Variants in RTKN observed in about 807,000 individuals in gnomAD.
The protein encoded by RTKN is rhotekin.
Under a neutral mutation model 63.5 loss-of-function variants are expected in RTKN, and 49 were observed. The ratio of observed to expected loss-of-function variants is 0.77; its 90% CI spans 0.61 to 0.98. The LOEUF is 0.98. RTKN is among the 50% of genes least tolerant of loss of function. The pLI, the probability that RTKN is intolerant of heterozygous loss-of-function variation, is 0.00. For synonymous variants in RTKN, 295 were observed against 290.4 expected, an observed-to-expected ratio of 1.02 and a Z score of -0.16; for missense variants, 685 against 740.8, an observed-to-expected ratio of 0.92 and a Z score of 0.87.
intron 1 of RTKN, 108 bp from the exon 2 acceptor site, chr2:74,432,774 A>G: frequency 1.1e-6 from 1 of 878,594 alleles, no homozygotes; most frequent in East Asian, 2.6e-5. Context: ...ACAAGAAACT[A>G]ATGTTTTAGG....
At position 74,441,709 on chromosome 2, in the gene RTKN, G is replaced by A; in HGVS notation, c.108C>T (p.Pro36=). Residue 36 remains proline, a synonymous_variant, in exon 1 of 12, where the codon CCC becomes CCT. Transcript: ENST00000272430. ...GGCAGGGACGCGAGTCTCTCACCTC[G>A]GGCAGGTCGCTGAAGAGGCTGAGTC... is the stretch of plus-strand genomic sequence containing the variant. ...RFRLSLFSDL[P]EDTELQRKLD... 1 of 1,608,300 alleles carries A rather than the reference G, an allele frequency of 6.2e-7. No individual in the cohort carries two copies. The highest frequency in any genetic ancestry group is 8.5e-7 in the Non-Finnish European group (1 of 1,177,748).
chr2:74,439,447 C>T, intron 1 of RTKN: 1 of 1,309,462 alleles, frequency 7.6e-7, no homozygotes, highest in Non-Finnish European at 1.1e-6. Context: ...CCACTTTAAG[C>T]AGGCCTGGCT....
At position 74,429,887 on chromosome 2, in the gene RTKN, C is replaced by T. The variant is rs145475774; in HGVS notation, c.696G>A (p.Ser232=). The stretch of plus-strand genomic sequence containing the variant: ...TCCCTGAACCCCCAGCACTGTCCAG[C>T]GATGCCCGGACACGCCTCCCTGAGG... ...GRSSGRRVRA[S]LDSAGGSGSS... is the part of the protein sequence containing the mutation. Residue 232 remains serine, a synonymous_variant, in exon 6 of 12, where the codon TCG becomes TCA. Transcript: ENST00000272430. 9.8e-4 allele frequency: 1,577 copies of T among 1,614,098 alleles called. 2 individuals are homozygous for T. Among genetic ancestry groups the T allele is most frequent in the Non-Finnish European group, 1.3e-3 (1,493 of 1,180,032 alleles).
chr2:74,440,219 G>T, intron 1 of RTKN: 1 of 493,364 alleles, frequency 2.0e-6, no homozygotes, highest in Non-Finnish European at 2.7e-6. Context: ...GAGCCACACA[G>T]GTGAGGACCT....
At chr2:74,441,332 G>A (rs1295115565) in intron 1 of RTKN, among the ~76,000 whole-genome samples, 1 of 152,188 alleles carries the variant, frequency 6.6e-6, no homozygotes, top group Non-Finnish European at 1.5e-5. Flanking sequence ...GAACAAGCGG[G>A]AGCCCAGGCC....
rs1489992591 is a variant in RTKN at position 74,427,438 on chromosome 2, A to G, written c.1241T>C (p.Leu414Pro). The G allele has an allele frequency of 6.2e-7, 1 of 1,614,112 alleles. No homozygotes were observed. Among genetic ancestry groups the G allele is most frequent in the Non-Finnish European group, 8.5e-7 (1 of 1,180,006 alleles). ...TTCTCTCTTACTCATGTCAAAGAAAAGCTGCCACAGAGCCTCCATCCAGCT... is the reference window on the plus strand; with the variant it reads ...TTCTCTCTTACTCATGTCAAAGAAAGGCTGCCACAGAGCCTCCATCCAGCT... ...LQSWMEALWQ[L>P]FFDMSQWKQC... The change falls in exon 10 of 12, where the codon CTT becomes CCT. Residue 414 changes from leucine (L) to proline (P), a missense_variant. Coordinates refer to ENST00000272430, the MANE Select transcript of RTKN (RefSeq NM_001015055.2).
chr2:74,431,852 A>C, intron 2 of RTKN: 1 of 157,890 alleles, frequency 6.3e-6, no homozygotes, highest in Non-Finnish European at 1.4e-5. Context: ...ATATTCTTAG[A>C]ATAATTTGCC....
At chr2:74,427,072 G>A in intron 11 of RTKN, 97 bp downstream of exon 11, 1 of 1,523,168 alleles carries the variant, frequency 6.6e-7, no homozygotes, top group South Asian at 1.2e-5. Flanking sequence ...GTGTAGCCCA[G>A]AGTGTGCTTT....
chr2:74,438,948 G>A (rs11695896), intron 1 of RTKN, among the ~76,000 whole-genome samples: 21,396 of 152,178 alleles, frequency 0.14, 2,035 homozygotes, highest in East Asian at 0.53. Context: ...TCCTATGGTC[G>A]AAAAGAGCTT....
Position 74,430,015 on chromosome 2 carries a change from C to G in RTKN, c.568G>C (p.Glu190Gln). Reference protein sequence around the residue: ...VLFAEAGPDFELRLELYGACV... With the variant: ...VLFAEAGPDFQLRLELYGACV... ...GCCCCATACAGCTCTAACCGCAGTT[C>G]AAAGTCTGGCCCCGCCTCAGCGCTG... Residue 190 changes from glutamate (E) to glutamine (Q), a missense_variant, in exon 6 of 12, where the codon GAA becomes CAA. Glu to Gln is a conservative substitution (Grantham distance 29, BLOSUM62 2). Coordinates refer to ENST00000272430, the MANE Select transcript of RTKN (RefSeq NM_001015055.2). 6.2e-7 allele frequency: 1 copy of G among 1,614,226 alleles called. No individual in the cohort carries two copies.
Position 74,430,014 on chromosome 2 carries a change from T to G in RTKN, c.569A>C (p.Glu190Ala), listed in dbSNP as rs779513521. 46 of 1,613,922 alleles carry G rather than the reference T, an allele frequency of 2.9e-5. No homozygotes were observed. The South Asian group carries it at 4.5e-4, about 16-fold the overall frequency. The stretch of plus-strand genomic sequence containing the variant: ...GGCCCCATACAGCTCTAACCGCAGT[T>G]CAAAGTCTGGCCCCGCCTCAGCGCT... Reference protein sequence around the residue: ...VLFAEAGPDFELRLELYGACV... With the variant: ...VLFAEAGPDFALRLELYGACV... The change falls in exon 6 of 12, where the codon GAA becomes GCA. Residue 190 changes from glutamate to alanine, a missense_variant. Physicochemically the swap from Glu to Ala is moderately radical, Grantham distance 107. Transcript: ENST00000272430.
chr2:74,427,430 C>T lies in RTKN; in HGVS notation c.1249G>A (p.Asp417Asn), dbSNP rs1446692385. Residue 417 changes from aspartate (D) to asparagine (N), a missense_variant, in exon 10 of 12, where the codon GAC (aspartate) becomes AAC (asparagine). By Grantham distance (23) the Asp-to-Asn change is conservative. Transcript: ENST00000272430. Reference sequence around the variant, plus strand: ...CAGCCCCCTTCTCTCTTACTCATGTCAAAGAAAAGCTGCCACAGAGCCTCC... The same window carrying T: ...CAGCCCCCTTCTCTCTTACTCATGTTAAAGAAAAGCTGCCACAGAGCCTCC... ...WMEALWQLFF[D>N]MSQWKQCCDE... is the part of the protein sequence containing the mutation. 6.2e-7 allele frequency: 1 copy of T among 1,614,078 alleles called. No individual in the cohort carries two copies. The highest frequency in any genetic ancestry group is 2.2e-5 in the East Asian group (1 of 44,886).
Position 74,428,255 on chromosome 2 carries a change from A to C in RTKN, c.1086+13T>G. 1.2e-6 allele frequency: 2 copies of C among 1,614,114 alleles called. No homozygotes were observed. Among genetic ancestry groups the C allele is most frequent in the Non-Finnish European group, 1.7e-6 (2 of 1,180,010 alleles). On this transcript the variant is annotated intron_variant, in intron 9 of 11. Coordinates refer to ENST00000272430, the MANE Select transcript of RTKN (RefSeq NM_001015055.2). ...TGTGCCCTTGGTGGCCTTACTACCA[A>C]GGGACCCATCACCTTGTTGACAGCA...
rs756536142 is a variant in RTKN, at chr2:74,428,684, C to T, written c.904G>A (p.Ala302Thr). 2 of 1,614,062 alleles carry T rather than the reference C, an allele frequency of 1.2e-6. No individual in the cohort carries two copies. Among genetic ancestry groups the T allele is most frequent in the Non-Finnish European group, 8.5e-7 (1 of 1,179,994 alleles). The change falls in exon 8 of 12, where the codon GCT (alanine) becomes ACT (threonine). Residue 302 changes from alanine (A) to threonine (T), a missense_variant. Transcript: ENST00000272430. Reference sequence around the variant, plus strand: ...GGCTGAGTCATGCAGAGAGGCTGAGCTGCCAGACGGCAACACACGCTACCA... The same window carrying T: ...GGCTGAGTCATGCAGAGAGGCTGAGTTGCCAGACGGCAACACACGCTACCA... ...LYGSVCCRLA[A>T]QPLCMTQPTA...
intron 1 of RTKN, among the ~76,000 whole-genome samples, chr2:74,435,426 C>T (rs971906003): frequency 3.9e-5 from 6 of 152,156 alleles, no homozygotes; most frequent in African/African-American, 7.2e-5. Context: ...ATTTTAATGA[C>T]GCTATACTTT....
intron 6 of RTKN, 60 bp downstream of exon 6, chr2:74,429,768 A>G: frequency 1.3e-6 from 2 of 1,505,966 alleles, no homozygotes; most frequent in Non-Finnish European, 1.8e-6. Flanking sequence ...ACACAGTTCA[A>G]AGGTCACCTG....
chr2:74,428,746 G>C lies in RTKN; in HGVS notation c.851-9C>G. On this transcript the variant is annotated splice_polypyrimidine_tract_variant and intron_variant, in intron 7 of 11. Transcript: ENST00000272430. ...CCAGGCAGGGTTCTCCTCTGGGGGA[G>C]GAGGAAGTGCAGGGTGAGGTAGGGG... 6.2e-7 allele frequency: 1 copy of C among 1,612,916 alleles called. No homozygotes were observed. The highest frequency in any genetic ancestry group is 8.5e-7 in the Non-Finnish European group (1 of 1,179,238).
intron 6 of RTKN, among the ~76,000 whole-genome samples, 170 bp from the exon 7 acceptor site, chr2:74,429,112 C>T (rs1318980472): frequency 1.3e-5 from 2 of 152,152 alleles, no homozygotes; most frequent in Non-Finnish European, 1.5e-5. Context: ...AGTGTCAGGA[C>T]GTATGCTTTA....
chr2:74,430,799 G>A (rs1473168662), intron 2 of RTKN, 122 bp from the exon 3 acceptor site: 16 of 933,238 alleles, frequency 1.7e-5, no homozygotes, highest in Middle Eastern at 3.4e-4. Flanking sequence ...CAGCCAGGCC[G>A]ACAGGCAGGG....
Sources: gnomAD v4.1 joint callset for allele counts (sites outside exome capture counted in the v4.1 genomes callset) on GRCh38, gnomAD v4.1.1 for gene constraint, MANE v1.5 for transcripts, NCBI Gene and HGNC (gene_info 2026-07-23, HGNC 2026-07-21) for gene names.